Variants in MECOM observed in about 807,000 individuals in gnomAD.
The protein encoded by MECOM is MDS1 and EVI1 complex locus.
Under a neutral mutation model 116.3 loss-of-function variants are expected in MECOM, and 13 were observed. That is an observed-to-expected ratio of 0.11 (90% CI 0.07 to 0.18). The LOEUF (loss-of-function observed/expected upper bound fraction) is 0.18. Among genes scored for constraint, MECOM ranks in the 10% least tolerant of loss-of-function variants. MECOM has a pLI of 1.00. For missense variants in MECOM, 1,299 were observed against 1,509.0 expected, an observed-to-expected ratio of 0.86 and a Z score of 2.31; for synonymous variants, 528 against 535.2, an observed-to-expected ratio of 0.99 and a Z score of 0.19.
rs200735642 is a variant in MECOM at position 169,483,202 on chromosome 3, A to ATT, written c.38-101680_38-101679dup. On this transcript the variant is annotated intron_variant, in intron 1 of 16. Transcript: ENST00000651503. The stretch of plus-strand genomic sequence containing the variant: ...AAACCATTGTTTTATTTTTATTTTT[A>ATT]TTTTTTTTTTTTTTTTGCCCAGAAA... 8.6e-4 allele frequency among the ~76,000 whole-genome samples: 89 copies of ATT among 103,002 alleles called. 1 individual carries two copies. Among genetic ancestry groups the ATT allele is most frequent in the Middle Eastern group, 5.1e-3 (1 of 196 alleles). 67.6% of individuals were successfully genotyped at this position (103,002 alleles called of 152,430 possible). A position where few individuals can be genotyped will look rare whatever the true frequency, so the allele number is the denominator to read the frequency against.
chr3:169,280,097 C>T (rs1182138746), intron 2 of MECOM, among the ~76,000 whole-genome samples: 2 of 152,184 alleles, frequency 1.3e-5, no homozygotes, highest in African/African-American at 4.8e-5. Context: ...TGTTACTCTT[C>T]TGAATGAAAT....
At chr3:169,635,408 T>C (rs1384788836) in intron 1 of MECOM, among the ~76,000 whole-genome samples, 2 of 152,180 alleles carry the variant, frequency 1.3e-5, no homozygotes, top group Admixed American at 1.3e-4. Flanking sequence ...TGATGTAGCA[T>C]TCCAGGTTGG....
rs114405947 is a variant in MECOM at position 169,126,371 on chromosome 3, T to A, written c.830+1473A>T. Among the ~76,000 whole-genome samples the A allele has an allele frequency of 4.7e-3, 709 of 152,252 alleles. 9 individuals carry two copies. Among genetic ancestry groups the A allele is most frequent in the African/African-American group, 0.017 (687 of 41,572 alleles). On this transcript the variant is annotated intron_variant, in intron 5 of 16. Coordinates refer to ENST00000651503, the MANE Select transcript of MECOM (RefSeq NM_004991.4). The stretch of plus-strand genomic sequence containing the variant: ...TATAACACAACTGAAGGAAATGGAC[T>A]TTATTTCTGACACCAGAGATATTAC...
rs185378278 is a variant in MECOM, at chr3:169,340,000, G to A, written c.375+41187C>T. Among the ~76,000 whole-genome samples the A allele has an allele frequency of 1.2e-4, 18 of 152,304 alleles. No homozygotes were observed. In the East Asian group the frequency reaches 3.1e-3, roughly 26 times the overall value. ...GGCCACATTTGAAAGCCCAAGACATGTGAAATGAATCTATTATGTATTTGT... is the reference window on the plus strand; with the variant it reads ...GGCCACATTTGAAAGCCCAAGACATATGAAATGAATCTATTATGTATTTGT... On this transcript the variant is annotated intron_variant, in intron 2 of 16. Transcript: ENST00000651503.
At position 169,146,443 on chromosome 3, in the gene MECOM, G is replaced by C. The variant is rs752666987; in HGVS notation, c.376-2611C>G. ...AGGGGAAGGAGGAGAAGAGCGCAAG[G>C]AAAAGAGGCCGACAAGCCGGCAGAG... On this transcript the variant is annotated intron_variant, in intron 2 of 16. Coordinates refer to ENST00000651503, the MANE Select transcript of MECOM (RefSeq NM_004991.4). The C allele has an allele frequency of 7.9e-6, 11 of 1,389,022 alleles. No homozygotes were observed. The African/African-American group carries it at 1.3e-4, about 16-fold the overall frequency. 86.0% of individuals were successfully genotyped at this position (1,389,022 alleles called of 1,614,324 possible).
chr3:169,607,476 C>G (rs1768736635), intron 1 of MECOM, among the ~76,000 whole-genome samples: 1 of 152,226 alleles, frequency 6.6e-6, no homozygotes, highest in Non-Finnish European at 1.5e-5. Context: ...TAAAATACCA[C>G]TACAAAAGAT....
chr3:169,488,212 T>G (rs974908137), intron 1 of MECOM, among the ~76,000 whole-genome samples: 3 of 151,864 alleles, frequency 2.0e-5, no homozygotes, highest in Non-Finnish European at 4.4e-5. Context: ...ATCAAACATA[T>G]ATAGAAGTCT....
intron 1 of MECOM, chr3:169,466,960 C>T (rs1258241561): frequency 6.6e-6 from 1 of 152,140 alleles, no homozygotes; most frequent in African/African-American, 2.4e-5. Flanking sequence ...TCTGGGTTCT[C>T]AACAAATGTT....
intron 2 of MECOM, among the ~76,000 whole-genome samples, chr3:169,358,468 C>G (rs1727654424): frequency 6.6e-6 from 1 of 150,654 alleles, no homozygotes; most frequent in Non-Finnish European, 1.5e-5. Flanking sequence ...GGCCCTGTTT[C>G]AAATACTGTA....
At chr3:169,121,591 A>C (rs555948967) in intron 6 of MECOM, among the ~76,000 whole-genome samples, 10 of 152,304 alleles carry the variant, frequency 6.6e-5, no homozygotes, top group African/African-American at 2.4e-4. Context: ...GTGTACAAAA[A>C]TTTGGAGGAT....
intron 12 of MECOM, among the ~76,000 whole-genome samples, chr3:169,098,201 CTT>C (rs985706633): frequency 6.6e-6 from 1 of 152,142 alleles, no homozygotes; most frequent in African/African-American, 2.4e-5. Context: ...AAAATACAGA[CTT>C]TATTTTAATA....
chr3:169,534,465 T>C (rs1759075806), intron 1 of MECOM, among the ~76,000 whole-genome samples: 1 of 152,164 alleles, frequency 6.6e-6, no homozygotes, highest in South Asian at 2.1e-4. Flanking sequence ...AGTGGCATCT[T>C]TCACTGTCAT....
At chr3:169,567,337 C>G (rs1763358072) in intron 1 of MECOM, among the ~76,000 whole-genome samples, 1 of 152,220 alleles carries the variant, frequency 6.6e-6, no homozygotes. Context: ...ACTATCTGTT[C>G]ATTTCCCATC....
At chr3:169,216,964 G>A (rs1751498281) in intron 2 of MECOM, among the ~76,000 whole-genome samples, 2 of 152,094 alleles carry the variant, frequency 1.3e-5, no homozygotes, top group African/African-American at 4.8e-5. Flanking sequence ...AAAATCTACT[G>A]AGGAAGTTTA....
At chr3:169,166,291 A>G (rs1743579215) in intron 2 of MECOM, among the ~76,000 whole-genome samples, 1 of 152,174 alleles carries the variant, frequency 6.6e-6, no homozygotes, top group South Asian at 2.1e-4. Flanking sequence ...ATGGTAGGGA[A>G]GCGGGGAGTG....
intron 2 of MECOM, among the ~76,000 whole-genome samples, chr3:169,351,104 C>T (rs1726245773): frequency 1.3e-5 from 2 of 151,768 alleles, no homozygotes; most frequent in Non-Finnish European, 2.9e-5. Context: ...ATATTCTTTA[C>T]AATGTTTATA....
At chr3:169,383,866 G>T (rs1180511225) in intron 1 of MECOM, among the ~76,000 whole-genome samples, 1 of 152,164 alleles carries the variant, frequency 6.6e-6, no homozygotes, top group East Asian at 1.9e-4. Flanking sequence ...TGAGCTCAGT[G>T]AGTATTTCTT....
intron 2 of MECOM, among the ~76,000 whole-genome samples, chr3:169,191,508 G>A (rs1747543883): frequency 6.6e-6 from 1 of 151,672 alleles, no homozygotes; most frequent in Admixed American, 6.6e-5. Flanking sequence ...GATAAAATAT[G>A]TTTGAGTGGA....
At chr3:169,335,946 T>C (rs2149782743) in intron 2 of MECOM, among the ~76,000 whole-genome samples, 1 of 152,286 alleles carries the variant, frequency 6.6e-6, no homozygotes, top group Non-Finnish European at 1.5e-5. Flanking sequence ...ATACATTATA[T>C]ATTACTTAAT....
Sources: gnomAD v4.1 joint callset for allele counts (sites outside exome capture counted in the v4.1 genomes callset) on GRCh38, gnomAD v4.1.1 for gene constraint, MANE v1.5 for transcripts, NCBI Gene and HGNC (gene_info 2026-07-23, HGNC 2026-07-21) for gene names.